The following ASTN2 variants were observed in gnomAD, a reference collection of about 807,000 sequenced individuals.
ASTN2 encodes the protein astrotactin 2.
In ASTN2, 54 loss-of-function variants were observed where a neutral mutation model predicts 139.8. The ratio of observed to expected loss-of-function variants is 0.39; its 90% CI spans 0.31 to 0.48. ASTN2 has a LOEUF of 0.48. ASTN2 is among the 20% of genes least tolerant of loss of function. The pLI is 0.95. For missense variants in ASTN2, 1,565 were observed against 1,725.1 expected (o/e 0.91, Z 1.64); for synonymous variants, 756 against 719.5 (o/e 1.05, Z -0.81).
intron 5 of ASTN2, among the ~76,000 whole-genome samples, chr9:117,073,185 C>A (rs1828183175): frequency 6.6e-6 from 1 of 152,022 alleles, no homozygotes; most frequent in South Asian, 2.1e-4. Context: ...CTAATGCACC[C>A]CCCTTGCTGG....
chr9:117,060,365 A>G (rs1268009182), intron 5 of ASTN2, among the ~76,000 whole-genome samples: 18 of 67,326 alleles, frequency 2.7e-4, no homozygotes, highest in African/African-American at 1.6e-3. Context: ...AAAGAAAGAA[A>G]GAAAGAAAGA....
intron 20 of ASTN2, among the ~76,000 whole-genome samples, chr9:116,445,668 GCTGAATATT>G (rs1847965843): frequency 6.6e-6 from 1 of 152,130 alleles, no homozygotes; most frequent in Non-Finnish European, 1.5e-5. Flanking sequence ...CCAATTGCTG[GCTGAATATT>G]CTTTGGGAAG....
chr9:116,478,945 T>C (rs966972033), intron 20 of ASTN2, among the ~76,000 whole-genome samples: 9 of 135,138 alleles, frequency 6.7e-5, no homozygotes, highest in African/African-American at 1.2e-4. Flanking sequence ...TGAGCTGAGA[T>C]TGCACTACTG....
chr9:116,804,291 G>A (rs1257437204), intron 13 of ASTN2, among the ~76,000 whole-genome samples: 2 of 152,048 alleles, frequency 1.3e-5, no homozygotes, highest in Non-Finnish European at 2.9e-5. Context: ...CTTACTAGAT[G>A]ATGATCTTGA....
At chr9:116,780,130 A>G (rs1830180011) in intron 13 of ASTN2, among the ~76,000 whole-genome samples, 1 of 152,224 alleles carries the variant, frequency 6.6e-6, no homozygotes, top group Admixed American at 6.5e-5. Context: ...TCTAGAAGAT[A>G]TAATCTCTGC....
chr9:117,266,898 C>T (rs1367093182), intron 2 of ASTN2, among the ~76,000 whole-genome samples: 1 of 152,122 alleles, frequency 6.6e-6, no homozygotes, highest in African/African-American at 2.4e-5. Flanking sequence ...TTGAAGCTTT[C>T]CTTCTAGGAG....
At chr9:117,003,982 C>T (rs1269495816) in intron 7 of ASTN2, among the ~76,000 whole-genome samples, 6 of 143,160 alleles carry the variant, frequency 4.2e-5, no homozygotes, top group African/African-American at 8.7e-5. Context: ...GTGTGTTTTG[C>T]GTGTTGGGGT....
chr9:116,765,829 G>A (rs1829792325), intron 13 of ASTN2, among the ~76,000 whole-genome samples: 1 of 152,120 alleles, frequency 6.6e-6, no homozygotes, highest in Admixed American at 6.5e-5. Context: ...TTGGAAGGAA[G>A]TCCACTAAAA....
chr9:117,124,413 C>T (rs1421745797), intron 4 of ASTN2, among the ~76,000 whole-genome samples: 1 of 152,132 alleles, frequency 6.6e-6, no homozygotes, highest in Non-Finnish European at 1.5e-5. Flanking sequence ...TTCCTTCTAT[C>T]ATCTTGATGT....
At chr9:117,353,367 A>G (rs368132948) in intron 1 of ASTN2, among the ~76,000 whole-genome samples, 2 of 152,296 alleles carry the variant, frequency 1.3e-5, no homozygotes, top group East Asian at 1.9e-4. Flanking sequence ...GTACTGTCCA[A>G]TATGGTCAAC....
intron 17 of ASTN2, among the ~76,000 whole-genome samples, chr9:116,628,906 C>A (rs985042655): frequency 6.6e-6 from 1 of 152,116 alleles, no homozygotes; most frequent in African/African-American, 2.4e-5. Flanking sequence ...TGACTTCCTG[C>A]CAGCTGGCAT....
At chr9:116,985,458 C>T (rs1157437369) in intron 7 of ASTN2, among the ~76,000 whole-genome samples, 1 of 152,222 alleles carries the variant, frequency 6.6e-6, no homozygotes, top group African/African-American at 2.4e-5. Context: ...GGTGGTCAGG[C>T]TGCTGAGAGG....
At chr9:117,328,967 G>T (rs1828611522) in intron 1 of ASTN2, among the ~76,000 whole-genome samples, 2 of 152,154 alleles carry the variant, frequency 1.3e-5, no homozygotes, top group Admixed American at 1.3e-4. Flanking sequence ...GAAGGAGTCT[G>T]AACTTTATAA....
At chr9:116,791,410 G>A (rs776437521) in intron 13 of ASTN2, among the ~76,000 whole-genome samples, 2 of 152,200 alleles carry the variant, frequency 1.3e-5, no homozygotes, top group Non-Finnish European at 2.9e-5. Flanking sequence ...CAGTACTGTG[G>A]ACTCCATTAA....
At chr9:117,368,941 T>C (rs1829920945) in intron 1 of ASTN2, among the ~76,000 whole-genome samples, 1 of 152,138 alleles carries the variant, frequency 6.6e-6, no homozygotes, top group Non-Finnish European at 1.5e-5. Flanking sequence ...CTGCTTGAAC[T>C]TAGGTCAAGT....
intron 5 of ASTN2, among the ~76,000 whole-genome samples, chr9:117,075,633 C>A (rs962603174): frequency 6.6e-6 from 1 of 152,122 alleles, no homozygotes; most frequent in Non-Finnish European, 1.5e-5. Flanking sequence ...CTGGAGTACA[C>A]CCTTTTCTAG....
rs2118787912 is a variant in ASTN2 at position 116,424,613 on chromosome 9, T to C, written c.*1238A>G. 6.6e-6 allele frequency among the ~76,000 whole-genome samples: 1 copy of C among 151,788 alleles called. No individual in the cohort carries two copies. Among genetic ancestry groups the C allele is most frequent in the African/African-American group, 2.4e-5 (1 of 41,384 alleles). On this transcript the variant is annotated 3_prime_UTR_variant, in exon 23 of 23. Transcript: ENST00000313400. ...TCCATCTTTTTTTTTTTTTTTAAGT[T>C]GTCACCTAGGCTGGAGTCCAGTGGC...
chr9:117,071,954 C>A (rs945047860), intron 5 of ASTN2, among the ~76,000 whole-genome samples: 5 of 152,168 alleles, frequency 3.3e-5, no homozygotes, highest in Non-Finnish European at 5.9e-5. Context: ...GATGGAAATG[C>A]AGAAATCACC....
chr9:116,918,676 C>G (rs1834519196), intron 10 of ASTN2, among the ~76,000 whole-genome samples: 2 of 152,126 alleles, frequency 1.3e-5, no homozygotes, highest in African/African-American at 4.8e-5. Flanking sequence ...CCTCTGGCAT[C>G]TCCATTACAC....
Sources: allele counts gnomAD v4.1 joint callset (sites outside exome capture counted in the v4.1 genomes callset), GRCh38; gene constraint gnomAD v4.1.1; transcripts MANE v1.5; gene names NCBI Gene and HGNC (gene_info 2026-07-23, HGNC 2026-07-21).